Variants in CHAT observed in about 807,000 individuals in gnomAD.
CHAT encodes the protein choline O-acetyltransferase.
Under a neutral mutation model 76.9 loss-of-function variants are expected in CHAT, and 61 were observed. The ratio of observed to expected loss-of-function variants is 0.79; its 90% CI spans 0.65 to 0.98. CHAT has a LOEUF of 0.98. Ranked by LOEUF, CHAT falls within the 50% of genes least tolerant of loss-of-function variation. The probability of loss-of-function intolerance (pLI) is 0.00; values close to 1 mark genes in which losing one functional copy is unlikely to be tolerated. For synonymous variants in CHAT, 407 were observed against 397.4 expected (o/e 1.02, Z -0.29); for missense variants, 946 against 986.9 (o/e 0.96, Z 0.56).
chr10:49,615,235 C>T (rs1479905089), intron 1 of CHAT, among the ~76,000 whole-genome samples: 1 of 152,180 alleles, frequency 6.6e-6, no homozygotes, highest in Admixed American at 6.5e-5. Flanking sequence ...CCAACCTGAC[C>T]TTGTCCTTGC....
chr10:49,616,601 C>A lies in CHAT; in HGVS notation c.386C>A (p.Ser129Tyr). Residue 129 changes from serine (S) to tyrosine (Y), a missense_variant and splice_region_variant, in exon 2 of 15, where the codon TCT becomes TAT. Around this residue, in one of 3 missense-constraint regions of CHAT, gnomAD observed 548 missense variants for 516.2 expected, o/e 1.06. Transcript: ENST00000337653. ...GCAAAAACTCCCAGCAGTGAGGAGT[C>A]TGTGAGTGACTTTTGGAGCCCTCTC... ...MAAKTPSSEE[S>Y]GLPKLPVPPL... 1 of 1,599,256 alleles carries A rather than the reference C, an allele frequency of 6.3e-7. No individual in the cohort carries two copies. The highest frequency in any genetic ancestry group is 2.3e-5 in the East Asian group (1 of 44,372).
At chr10:49,641,222 G>C (rs1839470822) in intron 7 of CHAT, among the ~76,000 whole-genome samples, 1 of 152,224 alleles carries the variant, frequency 6.6e-6, no homozygotes, top group South Asian at 2.1e-4. Flanking sequence ...TCCAAATAGA[G>C]TCACACTGAG....
upstream of CHAT, among the ~76,000 whole-genome samples, chr10:49,613,593 T>A (rs1324328573): frequency 6.6e-6 from 1 of 152,180 alleles, no homozygotes; most frequent in Non-Finnish European, 1.5e-5. Flanking sequence ...ATGTCTGTCC[T>A]CGATCTGCGA....
Position 49,648,759 on chromosome 10 carries a change from G to A in CHAT, c.1382+152G>A, listed in dbSNP as rs564258971. 129 of 574,146 alleles carry A rather than the reference G, an allele frequency of 2.2e-4. No homozygotes were observed. In the East Asian group the frequency reaches 3.9e-3, roughly 17 times the overall value. The allele number at this position is 574,146 out of a possible 1,614,324, so 35.6% of individuals were successfully genotyped here. A position where few individuals can be genotyped will look rare whatever the true frequency, so the allele number is the denominator to read the frequency against. ...CACACACACACACACACACACACAC[G>A]ATGAATTTGAAACCCAGCTTTGTAT... On this transcript the variant is annotated intron_variant, in intron 9 of 14. Transcript: ENST00000337653.
At chr10:49,656,233 G>A (rs1394883524) in intron 13 of CHAT, among the ~76,000 whole-genome samples, 2 of 148,726 alleles carry the variant, frequency 1.3e-5, no homozygotes, top group African/African-American at 5.0e-5. Flanking sequence ...AAATACTTCA[G>A]TGTTTGTTCT....
At chr10:49,661,790 C>T (rs959034987) in intron 13 of CHAT, among the ~76,000 whole-genome samples, 18 of 152,152 alleles carry the variant, frequency 1.2e-4, no homozygotes, top group African/African-American at 4.3e-4. Context: ...GTGCATACTA[C>T]ATACCCAGCC....
intron 11 of CHAT, among the ~76,000 whole-genome samples, chr10:49,652,568 G>A (rs1242341913): frequency 6.6e-6 from 1 of 152,154 alleles, no homozygotes; most frequent in Non-Finnish European, 1.5e-5. Context: ...ATCAGCTCAT[G>A]CTTAGCCAAC....
chr10:49,615,964 C>T, intron 1 of CHAT: 1 of 1,439,426 alleles, frequency 6.9e-7, no homozygotes, highest in Non-Finnish European at 9.8e-7. Context: ...TCCTGGAGCA[C>T]AGGGCCTTAA....
upstream of CHAT, among the ~76,000 whole-genome samples, chr10:49,609,590 A>G (rs548534504): frequency 9.4e-4 from 143 of 151,610 alleles, no homozygotes; most frequent in African/African-American, 3.3e-3. Flanking sequence ...AATATTCGCG[A>G]CCCCGACTGG....
intron 9 of CHAT, 43 bp from the exon 10 acceptor site, chr10:49,649,465 T>C (rs759526622): frequency 1.2e-6 from 2 of 1,613,356 alleles, no homozygotes; most frequent in Non-Finnish European, 1.7e-6. Context: ...CTCCCACAGC[T>C]GTCTGGCCGC....
rs943214261 is a variant in CHAT, at chr10:49,642,916, T to A, written c.1112-3589T>A. Among the ~76,000 whole-genome samples, 3 of 152,224 alleles carry A rather than the reference T, an allele frequency of 2.0e-5. No homozygotes were observed. The East Asian group carries it at 5.8e-4, about 29-fold the overall frequency. Reference sequence around the variant, plus strand: ...GCTCTGACCACACTGAGCTCTTCCATGATCCTTCAGCACTCCCTGTTGTTG... The same window carrying A: ...GCTCTGACCACACTGAGCTCTTCCAAGATCCTTCAGCACTCCCTGTTGTTG... On this transcript the variant is annotated intron_variant, in intron 7 of 14. Coordinates refer to ENST00000337653, the MANE Select transcript of CHAT (RefSeq NM_020549.5).
chr10:49,610,693 C>G, upstream of CHAT: 1 of 1,445,278 alleles, frequency 6.9e-7, no homozygotes, highest in Non-Finnish European at 9.1e-7. Flanking sequence ...GGGACGCCAG[C>G]GCTCGGCCCT....
In CHAT at chr10:49,640,062, AT is replaced by A. The variant is rs1839428992; in HGVS notation, c.1112-6440del. 2.0e-5 allele frequency among the ~76,000 whole-genome samples: 3 copies of A among 152,070 alleles called. No individual in the cohort carries two copies. The South Asian group carries it at 6.2e-4, about 31-fold the overall frequency. Reference sequence around the variant, plus strand: ...TATATATTTTATTTTCTTGCTGAGAATTTGTTTCTTTGTGGAGACTTCTTTT... The same window carrying A: ...TATATATTTTATTTTCTTGCTGAGAATTGTTTCTTTGTGGAGACTTCTTTT... On this transcript the variant is annotated intron_variant, in intron 7 of 14. Transcript: ENST00000337653.
At chr10:49,632,761 T>C (rs1839168282) in intron 7 of CHAT, among the ~76,000 whole-genome samples, 1 of 152,218 alleles carries the variant, frequency 6.6e-6, no homozygotes, top group Non-Finnish European at 1.5e-5. Flanking sequence ...CCAACCAGGA[T>C]GACTCCCTCC....
chr10:49,662,171 G>A (rs1218399548), intron 13 of CHAT, among the ~76,000 whole-genome samples: 2 of 152,194 alleles, frequency 1.3e-5, no homozygotes, highest in Non-Finnish European at 2.9e-5. Flanking sequence ...CGCTGGTTGT[G>A]GTGGGAGTCT....
chr10:49,614,516 C>A lies in CHAT; in HGVS notation c.286+41C>A. 4 of 1,373,192 alleles carry A rather than the reference C, an allele frequency of 2.9e-6. No homozygotes were observed. The East Asian group carries it at 9.9e-5, about 34-fold the overall frequency. 85.1% of individuals were successfully genotyped at this position (1,373,192 alleles called of 1,614,324 possible). On this transcript the variant is annotated intron_variant, in intron 1 of 14. Transcript: ENST00000337653. ...GGGCTGGGCTGGCGGAGCGCGGTGC[C>A]GGGAGCAAGGGCGGCGGTCGGGGGC...
At chr10:49,638,203 G>C (rs1839357869) in intron 7 of CHAT, among the ~76,000 whole-genome samples, 1 of 152,144 alleles carries the variant, frequency 6.6e-6, no homozygotes, top group East Asian at 1.9e-4. Flanking sequence ...TATGTCTCTG[G>C]TAAGTTTTCT....
chr10:49,611,795 A>G, upstream of CHAT: 1 of 1,603,190 alleles, frequency 6.2e-7, no homozygotes, highest in Non-Finnish European at 8.5e-7. Context: ...GCGGCGCGCT[A>G]CCCACACCTG....
intron 9 of CHAT, 116 bp downstream of exon 9, chr10:49,648,723 C>G (rs1004773996): frequency 1.4e-5 from 8 of 589,158 alleles, no homozygotes; most frequent in African/African-American, 3.4e-5. Context: ...AAAATGTGTA[C>G]TATACACACA....
Sources: allele counts gnomAD v4.1 joint callset (sites outside exome capture counted in the v4.1 genomes callset), GRCh38; gene constraint gnomAD v4.1.1; regional missense constraint gnomAD v4.1.1; transcripts MANE v1.5; gene names NCBI Gene and HGNC (gene_info 2026-07-23, HGNC 2026-07-21).